CACNA2D3: variants seen among roughly 807,000 people sequenced by gnomAD.
The protein encoded by CACNA2D3 is voltage-dependent calcium channel subunit alpha-2/delta-3.
CACNA2D3 carries 60 observed loss-of-function variants against 160.6 expected under a neutral mutation model. That is an observed-to-expected ratio of 0.37 (90% CI 0.30 to 0.46). The LOEUF is 0.46. Ranked by LOEUF, CACNA2D3 falls within the 20% of genes least tolerant of loss-of-function variation. The pLI is 1.00. For missense variants in CACNA2D3, 1,205 were observed against 1,365.0 expected (o/e 0.88, Z 1.85); for synonymous variants, 558 against 492.9 (o/e 1.13, Z -1.75).
intron 4 of CACNA2D3, among the ~76,000 whole-genome samples, chr3:54,475,097 C>T (rs1356832577): frequency 6.6e-6 from 1 of 152,178 alleles, no homozygotes; most frequent in Admixed American, 6.5e-5. Flanking sequence ...TGCGTCAAGT[C>T]AGGGATGAAT....
chr3:54,461,373 C>T lies in CACNA2D3; in HGVS notation c.382-42119C>T, dbSNP rs563741269. Among the ~76,000 whole-genome samples, 66 of 151,154 alleles carry T rather than the reference C, an allele frequency of 4.4e-4. 2 individuals carry two copies. In the East Asian group the frequency reaches 0.013, roughly 29 times the overall value. On this transcript the variant is annotated intron_variant, in intron 4 of 37. Transcript: ENST00000474759. Reference sequence around the variant, plus strand: ...ATGGTACCAGTTCCTCCTTGTACCTCTGGTAGAATTCGGCTGTGAATCCAT... The same window carrying T: ...ATGGTACCAGTTCCTCCTTGTACCTTTGGTAGAATTCGGCTGTGAATCCAT...
At chr3:55,007,904 G>GT (rs1703130842) in intron 33 of CACNA2D3, 62 bp downstream of exon 33, 3 of 1,165,518 alleles carry the variant, frequency 2.6e-6, no homozygotes, top group Non-Finnish European at 3.6e-6. Flanking sequence ...GTATCATAAA[G>GT]TGATCTAAGA....
intron 32 of CACNA2D3, 89 bp downstream of exon 32, chr3:55,004,927 G>T: frequency 7.1e-6 from 6 of 843,970 alleles, no homozygotes; most frequent in South Asian, 3.3e-5. Flanking sequence ...GAGTAATCAA[G>T]TTTATCTTTT....
chr3:54,155,582 G>T (rs1353392939), intron 2 of CACNA2D3, among the ~76,000 whole-genome samples: 1 of 152,180 alleles, frequency 6.6e-6, no homozygotes, highest in African/African-American at 2.4e-5. Flanking sequence ...ACAACATCGA[G>T]ATTTTGTTTT....
At chr3:54,836,688 G>T (rs903132279) in intron 14 of CACNA2D3, among the ~76,000 whole-genome samples, 1 of 152,102 alleles carries the variant, frequency 6.6e-6, no homozygotes, top group African/African-American at 2.4e-5. Flanking sequence ...GCCTTGACTG[G>T]CTACCTTGGG....
chr3:54,459,985 T>C (rs1347614801), intron 4 of CACNA2D3, among the ~76,000 whole-genome samples: 4 of 152,182 alleles, frequency 2.6e-5, no homozygotes, highest in Non-Finnish European at 5.9e-5. Flanking sequence ...TTCAGCTTTC[T>C]CCATATGGCT....
intron 12 of CACNA2D3, among the ~76,000 whole-genome samples, chr3:54,754,574 T>C (rs914822184): frequency 1.3e-5 from 2 of 152,222 alleles, no homozygotes; most frequent in African/African-American, 4.8e-5. Context: ...TTATTTCATC[T>C]TGGGTGCTCT....
chr3:54,752,766 T>G (rs999883060), intron 12 of CACNA2D3, 89 bp downstream of exon 12: 2 of 914,748 alleles, frequency 2.2e-6, no homozygotes, highest in Non-Finnish European at 3.5e-6. Context: ...AGAGTTCTAA[T>G]AATTCTAAGA....
chr3:54,716,934 C>T (rs1392595337), intron 11 of CACNA2D3, among the ~76,000 whole-genome samples: 1 of 150,470 alleles, frequency 6.6e-6, no homozygotes, highest in Admixed American at 6.6e-5. Context: ...AACAAGTTCC[C>T]TCTACCATGT....
At chr3:54,903,253 G>A (rs1026212914) in intron 27 of CACNA2D3, among the ~76,000 whole-genome samples, 1 of 152,072 alleles carries the variant, frequency 6.6e-6, no homozygotes, top group African/African-American at 2.4e-5. Context: ...TCCCCTCTCT[G>A]TGTCCATGTG....
rs913672561 is a variant in CACNA2D3 at position 54,464,294 on chromosome 3, C to G, written c.382-39198C>G. 2.0e-5 allele frequency among the ~76,000 whole-genome samples: 3 copies of G among 152,172 alleles called. 1 individual carries two copies. Among genetic ancestry groups the G allele is most frequent in the South Asian group, 4.1e-4 (2 of 4,824 alleles). On this transcript the variant is annotated intron_variant, in intron 4 of 37. Coordinates refer to ENST00000474759, the MANE Select transcript of CACNA2D3 (RefSeq NM_018398.3). ...GCTGCGTGCTGGGAGAACCACTGCT[C>G]TCTTCAAAGCTGTCAGACAGGGACA... is the stretch of plus-strand genomic sequence containing the variant.
intron 13 of CACNA2D3, among the ~76,000 whole-genome samples, chr3:54,767,545 G>T (rs1559575375): frequency 6.6e-6 from 1 of 152,076 alleles, no homozygotes; most frequent in Non-Finnish European, 1.5e-5. Flanking sequence ...CCTATAAGCA[G>T]TGGCACCCAA....
At chr3:55,025,634 CAA>C (rs10717273) in intron 35 of CACNA2D3, among the ~76,000 whole-genome samples, 336 of 63,298 alleles carry the variant, frequency 5.3e-3, no homozygotes, top group East Asian at 0.012. Context: ...ACTCTATCTC[CAA>C]AAAAAAAAAA....
chr3:54,442,494 A>G lies in CACNA2D3; in HGVS notation c.381+55720A>G, dbSNP rs533559390. Reference sequence around the variant, plus strand: ...TCTGGTACATCAATGATGTGCTTCAACAGCTCCACTTTCCCTTAACTGTCC... The same window carrying G: ...TCTGGTACATCAATGATGTGCTTCAGCAGCTCCACTTTCCCTTAACTGTCC... On this transcript the variant is annotated intron_variant, in intron 4 of 37. Coordinates refer to ENST00000474759, the MANE Select transcript of CACNA2D3 (RefSeq NM_018398.3). 3.9e-5 allele frequency among the ~76,000 whole-genome samples: 6 copies of G among 152,272 alleles called. No homozygotes were observed. The East Asian group carries it at 1.2e-3, about 29-fold the overall frequency.
intron 11 of CACNA2D3, among the ~76,000 whole-genome samples, chr3:54,674,535 G>A (rs2106903481): frequency 6.6e-6 from 1 of 152,308 alleles, no homozygotes; most frequent in South Asian, 2.1e-4. Flanking sequence ...CTGGCCAACA[G>A]GGTTGTGTGT....
Position 54,896,752 on chromosome 3 carries a change from C to G in CACNA2D3, c.2250C>G (p.Asp750Glu). The stretch of plus-strand genomic sequence containing the variant: ...TCTGATTCTTTTCCACTTCAAGGGA[C>G]TTCCTGAAAGCTGGCGACAAGGAGA... ...FVGAEQLTNQ[D>E]FLKAGDKENI... is the part of the protein sequence containing the mutation. Residue 750 changes from aspartate (D) to glutamate (E), a missense_variant, in exon 26 of 38, where the codon GAC becomes GAG. Asp to Glu is a conservative substitution (Grantham distance 45). Around this residue, in one of 3 missense-constraint regions of CACNA2D3, gnomAD observed 911 missense variants for 1,002.2 expected, o/e 0.91. Transcript: ENST00000474759. 6.2e-7 allele frequency: 1 copy of G among 1,614,002 alleles called. No individual in the cohort carries two copies. The highest frequency in any genetic ancestry group is 8.5e-7 in the Non-Finnish European group (1 of 1,179,866).
At chr3:54,350,968 G>GTGTTTTTT (rs1698542910) in intron 3 of CACNA2D3, among the ~76,000 whole-genome samples, 1 of 56,106 alleles carries the variant, frequency 1.8e-5, no homozygotes, top group Non-Finnish European at 3.5e-5. Flanking sequence ...TCTTGAGTCT[G>GTGTTTTTT]TTTTTTTTTT....
intron 5 of CACNA2D3, among the ~76,000 whole-genome samples, chr3:54,534,265 T>A (rs1701851817): frequency 6.6e-6 from 1 of 152,220 alleles, no homozygotes; most frequent in African/African-American, 2.4e-5. Flanking sequence ...AGTTTTTAAT[T>A]CTTCTTTTGT....
At chr3:54,883,781 C>T (rs1052736102) in intron 21 of CACNA2D3, among the ~76,000 whole-genome samples, 2 of 149,974 alleles carry the variant, frequency 1.3e-5, no homozygotes, top group African/African-American at 5.0e-5. Context: ...CTTTCCTGAC[C>T]TCCATAGTTA....
Sources: gnomAD v4.1 joint callset for allele counts (sites outside exome capture counted in the v4.1 genomes callset) on GRCh38, gnomAD v4.1.1 for gene constraint, gnomAD v4.1.1 regional missense constraint, MANE v1.5 for transcripts, NCBI Gene and HGNC (gene_info 2026-07-23, HGNC 2026-07-21) for gene names.